ROBO1: variants seen among roughly 807,000 people sequenced by gnomAD.
ROBO1 encodes the protein roundabout guidance receptor 1, also known as roundabout homolog 1.
ROBO1 carries 149 observed loss-of-function variants against 195.9 expected under a neutral mutation model. That is an observed-to-expected ratio of 0.76 (90% CI 0.67 to 0.87). The LOEUF is 0.87. Among genes scored for constraint, ROBO1 ranks in the 40% least tolerant of loss-of-function variants. The pLI is 0.00. For synonymous variants in ROBO1, 816 were observed against 733.2 expected, an observed-to-expected ratio of 1.11 and a Z score of -1.82; for missense variants, 1,933 against 2,068.3, an observed-to-expected ratio of 0.93 and a Z score of 1.27.
chr3:79,135,659 C>T (rs531621726), intron 2 of ROBO1, among the ~76,000 whole-genome samples: 1 of 148,222 alleles, frequency 6.7e-6, no homozygotes, highest in East Asian at 2.0e-4. Context: ...TTTTTTGAGA[C>T]GGAGTTTCAC....
intron 1 of ROBO1, among the ~76,000 whole-genome samples, chr3:79,704,919 G>A (rs1023847805): frequency 3.1e-4 from 47 of 151,962 alleles, no homozygotes; most frequent in African/African-American, 1.0e-3. Context: ...TGTCGTCTGC[G>A]TTTCCCTGAT....
chr3:79,038,086 C>T lies in ROBO1; in HGVS notation c.172+87370G>A, dbSNP rs987857775. ...AACTTTACAGCTCTTAACTATTGTACGTCATGTTTCCAATAAAATAATTGA... is the reference window on the plus strand; with the variant it reads ...AACTTTACAGCTCTTAACTATTGTATGTCATGTTTCCAATAAAATAATTGA... On this transcript the variant is annotated intron_variant, in intron 3 of 30. Transcript: ENST00000464233. 3.3e-5 allele frequency among the ~76,000 whole-genome samples: 5 copies of T among 152,094 alleles called. No individual in the cohort carries two copies. The East Asian group carries it at 7.7e-4, about 23-fold the overall frequency.
chr3:79,589,811 G>C lies in ROBO1; in HGVS notation c.88+13C>G, dbSNP rs769112185. 29 of 1,601,758 alleles carry C rather than the reference G, an allele frequency of 1.8e-5. 1 individual carries two copies. The South Asian group carries it at 3.2e-4, about 18-fold the overall frequency. On this transcript the variant is annotated intron_variant, in intron 2 of 30. Transcript: ENST00000464233. ...CTGGTTAAGTATTGATGAAACAAAT[G>C]CACAGCACTTACCTGGAATAAGCTG...
chr3:79,345,210 A>G (rs2035065178), intron 2 of ROBO1, among the ~76,000 whole-genome samples: 1 of 152,190 alleles, frequency 6.6e-6, no homozygotes, highest in Admixed American at 6.5e-5. Flanking sequence ...TGTGTACACT[A>G]AAACATTTAA....
In ROBO1 at chr3:78,956,280, T is replaced by C. The variant is rs141749058; in HGVS notation, c.173-17353A>G. ...AAAATAAGCCATAAATATTAACATA[T>C]ACAACATTTAATGCAAAAAGATTAG... On this transcript the variant is annotated intron_variant, in intron 3 of 30. Coordinates refer to ENST00000464233, the MANE Select transcript of ROBO1 (RefSeq NM_002941.4). 1.6e-3 allele frequency among the ~76,000 whole-genome samples: 240 copies of C among 152,254 alleles called. 2 individuals are homozygous for C. The East Asian group carries it at 0.032, about 20-fold the overall frequency.
At chr3:79,487,072 T>C (rs1939197673) in intron 2 of ROBO1, among the ~76,000 whole-genome samples, 1 of 134,290 alleles carries the variant, frequency 7.4e-6, no homozygotes, top group Non-Finnish European at 1.6e-5. Context: ...GTCACTCCTC[T>C]AAAAGTGTAT....
At chr3:78,929,129 A>G (rs956745543) in intron 4 of ROBO1, among the ~76,000 whole-genome samples, 23 of 152,274 alleles carry the variant, frequency 1.5e-4, no homozygotes, top group Admixed American at 1.3e-3. Context: ...CTCCTGACAA[A>G]TGTAAAATGT....
At chr3:79,731,926 T>C (rs753861415) in intron 1 of ROBO1, among the ~76,000 whole-genome samples, 8 of 152,118 alleles carry the variant, frequency 5.3e-5, no homozygotes, top group Non-Finnish European at 8.8e-5. Flanking sequence ...GAAACAAATG[T>C]CATCATGCAT....
At chr3:78,860,678 G>A (rs1271598222) in intron 4 of ROBO1, among the ~76,000 whole-genome samples, 1 of 151,980 alleles carries the variant, frequency 6.6e-6, no homozygotes, top group African/African-American at 2.4e-5. Flanking sequence ...CATCCCATGT[G>A]GGCTTCGGCT....
intron 3 of ROBO1, among the ~76,000 whole-genome samples, chr3:78,991,058 T>C (rs2077225567): frequency 6.6e-6 from 1 of 152,156 alleles, no homozygotes; most frequent in African/African-American, 2.4e-5. Context: ...TTACAGGTAA[T>C]AACCTACATT....
intron 2 of ROBO1, among the ~76,000 whole-genome samples, chr3:79,128,720 C>T (rs2080264124): frequency 1.3e-5 from 2 of 152,094 alleles, no homozygotes; most frequent in Admixed American, 6.6e-5. Context: ...TTCGATGAGA[C>T]GTATACACTC....
intron 1 of ROBO1, among the ~76,000 whole-genome samples, chr3:79,707,015 T>C (rs539108883): frequency 3.3e-5 from 5 of 152,284 alleles, no homozygotes; most frequent in South Asian, 4.1e-4. Flanking sequence ...ACTGGACTTA[T>C]AGAATAATTA....
At chr3:79,343,852 T>A (rs952227454) in intron 2 of ROBO1, among the ~76,000 whole-genome samples, 8 of 152,138 alleles carry the variant, frequency 5.3e-5, no homozygotes, top group Non-Finnish European at 1.2e-4. Flanking sequence ...TTTTGTCAAT[T>A]GTACACACTC....
chr3:79,592,732 T>C (rs1005178794), intron 1 of ROBO1, among the ~76,000 whole-genome samples: 1 of 152,062 alleles, frequency 6.6e-6, no homozygotes, highest in Non-Finnish European at 1.5e-5. Flanking sequence ...TCAACCTGCA[T>C]TGACACACCA....
chr3:79,455,127 A>T (rs1025405241), intron 2 of ROBO1, among the ~76,000 whole-genome samples: 1 of 140,998 alleles, frequency 7.1e-6, no homozygotes, highest in Non-Finnish European at 1.5e-5. Context: ...CACACCTTGT[A>T]AAAAAAAAAA....
intron 4 of ROBO1, among the ~76,000 whole-genome samples, chr3:78,896,966 T>C (rs1329771811): frequency 1.3e-5 from 2 of 152,194 alleles, no homozygotes; most frequent in African/African-American, 2.4e-5. Context: ...GGAGGCAGGA[T>C]AGCAAGAGGT....
chr3:79,069,623 C>G (rs1008150632), intron 3 of ROBO1, among the ~76,000 whole-genome samples: 1 of 151,950 alleles, frequency 6.6e-6, no homozygotes, highest in African/African-American at 2.4e-5. Flanking sequence ...TAAAGCTACT[C>G]TTTCCTTTTC....
At chr3:78,601,035 C>T (rs961957993) in intron 29 of ROBO1, among the ~76,000 whole-genome samples, 1 of 152,102 alleles carries the variant, frequency 6.6e-6, no homozygotes, top group African/African-American at 2.4e-5. Context: ...TCCTTAACTG[C>T]TTGAAAATTT....
chr3:79,281,971 T>A (rs1228963770), intron 2 of ROBO1, among the ~76,000 whole-genome samples: 1 of 152,224 alleles, frequency 6.6e-6, no homozygotes, highest in Non-Finnish European at 1.5e-5. Context: ...TTATTCAAAA[T>A]GTATTGAGCA....
Sources: allele counts gnomAD v4.1 joint callset (sites outside exome capture counted in the v4.1 genomes callset), GRCh38; gene constraint gnomAD v4.1.1; transcripts MANE v1.5; gene names NCBI Gene and HGNC (gene_info 2026-07-23, HGNC 2026-07-21).